Variants in GALNT13 observed in about 807,000 individuals in gnomAD.
GALNT13 encodes the protein UDP-GalNAc:polypeptide N-acetylgalactosaminyltransferase 13.
Under a neutral mutation model 64.2 loss-of-function variants are expected in GALNT13, and 28 were observed. The ratio of observed to expected loss-of-function variants is 0.44; its 90% CI spans 0.32 to 0.60. The LOEUF (loss-of-function observed/expected upper bound fraction) is 0.60. Ranked by LOEUF, GALNT13 falls within the 20% of genes least tolerant of loss-of-function variation. The pLI is 0.05. For synonymous variants in GALNT13, 214 were observed against 224.6 expected, an observed-to-expected ratio of 0.95 and a Z score of 0.42; for missense variants, 577 against 669.8, an observed-to-expected ratio of 0.86 and a Z score of 1.53.
At chr2:153,829,456 T>A in the GALNT13 span, among the ~76,000 whole-genome samples, 1 of 152,070 alleles carries the variant, frequency 6.6e-6, no homozygotes, top group African/African-American at 2.4e-5. Flanking sequence ...AGGGAAACTT[T>A]CATTTTTAAA....
chr2:154,065,615 A>G (rs1700419880), intron 3 of GALNT13, among the ~76,000 whole-genome samples: 1 of 152,154 alleles, frequency 6.6e-6, no homozygotes, highest in Non-Finnish European at 1.5e-5. Flanking sequence ...AGTATCACCA[A>G]CGCGGTACCT....
Position 154,140,534 on chromosome 2 carries a change from T to C in GALNT13, c.311+29T>C, listed in dbSNP as rs1491001240. Reference sequence around the variant, plus strand: ...AGTTTGCATTTGTTATATAATCTTTTATATTCATAATCACCATATTTCAGA... The same window carrying C: ...AGTTTGCATTTGTTATATAATCTTTCATATTCATAATCACCATATTTCAGA... On this transcript the variant is annotated intron_variant, in intron 4 of 12. Transcript: ENST00000392825. 6 of 1,461,256 alleles carry C rather than the reference T, an allele frequency of 4.1e-6. No individual in the cohort carries two copies. In the Admixed American group the frequency reaches 1.1e-4, roughly 26 times the overall value. 90.5% of individuals were successfully genotyped at this position (1,461,256 alleles called of 1,614,324 possible). A position where few individuals can be genotyped will look rare whatever the true frequency, so the allele number is the denominator to read the frequency against.
chr2:154,055,917 T>A (rs537025728), intron 3 of GALNT13, among the ~76,000 whole-genome samples: 2 of 152,156 alleles, frequency 1.3e-5, no homozygotes, highest in African/African-American at 2.4e-5. Context: ...GGGTCAAGAT[T>A]TGGCTATTCT....
At chr2:153,720,987 G>T in the GALNT13 span, among the ~76,000 whole-genome samples, 1 of 152,064 alleles carries the variant, frequency 6.6e-6, no homozygotes, top group African/African-American at 2.4e-5. Context: ...CTTGAGAACA[G>T]CAACTCCAAG....
At chr2:154,101,660 A>T (rs1574500600) in intron 3 of GALNT13, among the ~76,000 whole-genome samples, 3 of 151,720 alleles carry the variant, frequency 2.0e-5, no homozygotes, top group South Asian at 2.1e-4. Context: ...TTTAATTTTG[A>T]TCTGATCTTT....
At chr2:153,300,677 C>G in the GALNT13 span, among the ~76,000 whole-genome samples, 1 of 152,126 alleles carries the variant, frequency 6.6e-6, no homozygotes, top group African/African-American at 2.4e-5. Context: ...AATTCTAGAT[C>G]TTAGATAGGC....
At chr2:153,485,638 G>A in the GALNT13 span, among the ~76,000 whole-genome samples, 33 of 152,226 alleles carry the variant, frequency 2.2e-4, 1 homozygote, top group South Asian at 6.4e-3. Flanking sequence ...CACACTGACT[G>A]ACTCCTCTAA....
At chr2:153,591,861 A>G in the GALNT13 span, among the ~76,000 whole-genome samples, 5 of 152,164 alleles carry the variant, frequency 3.3e-5, no homozygotes, top group Non-Finnish European at 7.4e-5. Context: ...TCTGCAAAGC[A>G]AAAGAAATAA....
At chr2:154,217,871 C>T (rs893200857) in intron 4 of GALNT13, among the ~76,000 whole-genome samples, 2 of 152,020 alleles carry the variant, frequency 1.3e-5, no homozygotes, top group African/African-American at 4.8e-5. Flanking sequence ...TTTATATGCA[C>T]TTAATCACCT....
At chr2:153,153,663 C>CTTT in the GALNT13 span, among the ~76,000 whole-genome samples, 76 of 129,750 alleles carry the variant, frequency 5.9e-4, no homozygotes, top group East Asian at 1.6e-3. Context: ...TTCCCCATTG[C>CTTT]TTTTTTTTTT....
the GALNT13 span, among the ~76,000 whole-genome samples, chr2:153,655,033 A>T: frequency 6.6e-6 from 1 of 152,276 alleles, no homozygotes; most frequent in South Asian, 2.1e-4. Flanking sequence ...AAACACATGT[A>T]ACTAGTATAA....
chr2:153,241,331 T>A, the GALNT13 span, among the ~76,000 whole-genome samples: 1 of 152,184 alleles, frequency 6.6e-6, no homozygotes, highest in African/African-American at 2.4e-5. Context: ...ACTTGCCACA[T>A]CAGTACTGAG....
At chr2:153,527,026 A>G in the GALNT13 span, among the ~76,000 whole-genome samples, 6 of 152,140 alleles carry the variant, frequency 3.9e-5, no homozygotes, top group African/African-American at 1.4e-4. Context: ...AAAAAAATAA[A>G]GCATGCCTTC....
At chr2:153,545,297 T>C in the GALNT13 span, among the ~76,000 whole-genome samples, 2 of 152,172 alleles carry the variant, frequency 1.3e-5, no homozygotes, top group Non-Finnish European at 2.9e-5. Context: ...TACTTCCGTG[T>C]TCTCCATAGC....
At chr2:153,834,174 C>G in the GALNT13 span, among the ~76,000 whole-genome samples, 1 of 152,092 alleles carries the variant, frequency 6.6e-6, no homozygotes, top group East Asian at 1.9e-4. Context: ...GTAAAGCTCT[C>G]TCACTCCCAG....
the GALNT13 span, among the ~76,000 whole-genome samples, chr2:153,593,842 C>G: frequency 6.6e-6 from 1 of 152,088 alleles, no homozygotes; most frequent in Non-Finnish European, 1.5e-5. Context: ...TATAAGAACT[C>G]TCTTAGGAGC....
At chr2:154,302,993 T>C (rs1446294975) in intron 9 of GALNT13, among the ~76,000 whole-genome samples, 1 of 152,090 alleles carries the variant, frequency 6.6e-6, no homozygotes, top group Non-Finnish European at 1.5e-5. Context: ...CATTTCGAAA[T>C]ATGGCAAAGA....
At chr2:153,242,511 C>A in the GALNT13 span, among the ~76,000 whole-genome samples, 4 of 152,194 alleles carry the variant, frequency 2.6e-5, no homozygotes, top group Non-Finnish European at 4.4e-5. Flanking sequence ...TGGGAAGTTA[C>A]CTTTGATAGA....
At chr2:153,174,617 C>T in the GALNT13 span, among the ~76,000 whole-genome samples, 2 of 152,192 alleles carry the variant, frequency 1.3e-5, no homozygotes, top group African/African-American at 2.4e-5. Context: ...GGTGTACCTT[C>T]AGCACTTTGC....
Sources: allele counts gnomAD v4.1 joint callset (sites outside exome capture counted in the v4.1 genomes callset), GRCh38; gene constraint gnomAD v4.1.1; transcripts MANE v1.5; gene names NCBI Gene and HGNC (gene_info 2026-07-23, HGNC 2026-07-21).